GLI4: variants seen among roughly 807,000 people sequenced by gnomAD.
GLI4 encodes GLI family zinc finger 4.
In GLI4, 34 loss-of-function variants were observed where a neutral mutation model predicts 30.9. That is an observed-to-expected ratio of 1.10 (90% CI 0.84 to 1.47). The LOEUF is 1.47. Among genes scored for constraint, GLI4 ranks in the 40% most tolerant of loss-of-function variants. The pLI, the probability that GLI4 is intolerant of heterozygous loss-of-function variation, is 0.00. For missense variants in GLI4, 696 were observed against 538.9 expected, an observed-to-expected ratio of 1.29 and a Z score of -2.89; for synonymous variants, 277 against 236.7, an observed-to-expected ratio of 1.17 and a Z score of -1.56.
At chr8:143,274,273 A>C (rs187573020) in intron 2 of GLI4, among the ~76,000 whole-genome samples, 1 of 152,326 alleles carries the variant, frequency 6.6e-6, no homozygotes, top group African/African-American at 2.4e-5. Context: ...GGGCCAAGGC[A>C]GGAAGGCTTT....
Position 143,276,651 on chromosome 8 carries a change from C to G in GLI4, c.978C>G (p.Ser326=), listed in dbSNP as rs147839830. 6.2e-7 allele frequency: 1 copy of G among 1,612,244 alleles called. No homozygotes were observed. The highest frequency in any genetic ancestry group is 1.1e-5 in the South Asian group (1 of 91,036). The part of the protein sequence containing the change: ...IHTGEKPYEC[S]DCGKAFRGRS... ...CTGGCGAGAAGCCCTACGAGTGCTC[C>G]GACTGCGGCAAAGCCTTCCGCGGCC... is the stretch of plus-strand genomic sequence containing the variant. Residue 326 remains serine (S), a synonymous_variant, in exon 4 of 4, where the codon TCC becomes TCG. Coordinates refer to ENST00000340042, the MANE Select transcript of GLI4 (RefSeq NM_138465.4).
chr8:143,272,239 C>T (rs1185343698), intron 2 of GLI4, among the ~76,000 whole-genome samples: 1 of 152,150 alleles, frequency 6.6e-6, no homozygotes, highest in Non-Finnish European at 1.5e-5. Flanking sequence ...GGCACAGCAT[C>T]TTTCCACATG....
At chr8:143,268,479 G>A (rs992673988) in intron 1 of GLI4, among the ~76,000 whole-genome samples, 1 of 152,094 alleles carries the variant, frequency 6.6e-6, no homozygotes, top group African/African-American at 2.4e-5. Flanking sequence ...GCTGCTGCAG[G>A]GCTGGACTAG....
intron 3 of GLI4, chr8:143,275,534 T>C (rs1206939670): frequency 7.9e-6 from 10 of 1,261,872 alleles, no homozygotes; most frequent in Non-Finnish European, 9.9e-6. Context: ...CCTCTGGAGC[T>C]CTGGCGTCCC....
At chr8:143,268,078 C>T in intron 1 of GLI4, 1 of 985,402 alleles carries the variant, frequency 1.0e-6, no homozygotes, top group Non-Finnish European at 1.2e-6. Context: ...ATCGAGCAGG[C>T]CCTTTTACCA....
chr8:143,267,731 C>T, intron 1 of GLI4: 5 of 985,394 alleles, frequency 5.1e-6, no homozygotes, highest in Non-Finnish European at 6.0e-6. Context: ...CGCAGGGCGC[C>T]TTTCCCAGGC....
Position 143,276,412 on chromosome 8 carries a change from G to A in GLI4, c.739G>A (p.Ala247Thr). The change falls in exon 4 of 4, where the codon GCC becomes ACC. Residue 247 changes from alanine to threonine, a missense_variant. By Grantham distance (58) the Ala-to-Thr change is moderately conservative. Transcript: ENST00000340042. ...KPYECGQCGR[A>T]FSHSSHFTQH... ...CTACGAGTGCGGCCAGTGCGGCCGCGCCTTCAGCCACAGCTCGCACTTCAC... is the reference window on the plus strand; with the variant it reads ...CTACGAGTGCGGCCAGTGCGGCCGCACCTTCAGCCACAGCTCGCACTTCAC... The A allele has an allele frequency of 6.2e-7, 1 of 1,612,260 alleles. No homozygotes were observed.
intron 1 of GLI4, among the ~76,000 whole-genome samples, chr8:143,268,326 G>A (rs1337757317): frequency 6.6e-6 from 1 of 152,128 alleles, no homozygotes; most frequent in Non-Finnish European, 1.5e-5. Flanking sequence ...CTCTTTTCCC[G>A]TTCCTTTCTT....
chr8:143,276,161 C>T lies in GLI4; in HGVS notation c.488C>T (p.Ala163Val). The T allele has an allele frequency of 1.9e-6, 3 of 1,550,126 alleles. No homozygotes were observed. Among genetic ancestry groups the T allele is most frequent in the Admixed American group, 3.9e-5 (2 of 51,060 alleles). ...AGPEGAPERA[A>V]ELGVNFGRSR... ...CCCGAGGGTGCGCCCGAGCGGGCTG[C>T]CGAGCTGGGAGTCAACTTCGGTCGG... The change falls in exon 4 of 4, where the codon GCC (alanine) becomes GTC (valine). Residue 163 changes from alanine to valine, a missense_variant. By Grantham distance (64) the Ala-to-Val change is moderately conservative (BLOSUM62 0). Coordinates refer to ENST00000340042, the MANE Select transcript of GLI4 (RefSeq NM_138465.4).
chr8:143,276,663 A>C lies in GLI4; in HGVS notation c.990A>C (p.Lys330Asn). The change falls in exon 4 of 4, where the codon AAA becomes AAC. Residue 330 changes from lysine (K) to asparagine (N), a missense_variant. Transcript: ENST00000340042. Reference sequence around the variant, plus strand: ...CCTACGAGTGCTCCGACTGCGGCAAAGCCTTCCGCGGCCGCTCGCACTTCT... The same window carrying C: ...CCTACGAGTGCTCCGACTGCGGCAACGCCTTCCGCGGCCGCTCGCACTTCT... ...EKPYECSDCGKAFRGRSHFFR... is the reference protein window; with the variant it reads ...EKPYECSDCGNAFRGRSHFFR... The C allele has an allele frequency of 6.2e-7, 1 of 1,608,144 alleles. No homozygotes were observed. The highest frequency in any genetic ancestry group is 1.1e-5 in the South Asian group (1 of 90,748).
intron 3 of GLI4, 117 bp from the exon 4 acceptor site, chr8:143,275,780 C>T: frequency 8.1e-7 from 1 of 1,240,524 alleles, no homozygotes; most frequent in Non-Finnish European, 1.0e-6. Context: ...GTGCCTGGCC[C>T]CTCCTTGTCC....
At chr8:143,271,648 G>C (rs1815270267) in intron 2 of GLI4, among the ~76,000 whole-genome samples, 1 of 152,192 alleles carries the variant, frequency 6.6e-6, no homozygotes, top group Non-Finnish European at 1.5e-5. Flanking sequence ...GCCCACCCCA[G>C]GCACATGTGG....
intron 1 of GLI4, chr8:143,267,928 C>G: frequency 1.0e-6 from 1 of 985,452 alleles, no homozygotes; most frequent in Non-Finnish European, 1.2e-6. Context: ...GCAGAGGATG[C>G]TTCCCCCGAG....
rs1201629222 is a variant in GLI4 at position 143,267,465 on chromosome 8, G to C, written c.-57G>C. 6 of 985,346 alleles carry C rather than the reference G, an allele frequency of 6.1e-6. No homozygotes were observed. In the East Asian group the frequency reaches 3.4e-4, roughly 56 times the overall value. 61.0% of individuals were successfully genotyped at this position (985,346 alleles called of 1,614,324 possible). On this transcript the variant is annotated 5_prime_UTR_variant, in exon 1 of 4. Coordinates refer to ENST00000340042, the MANE Select transcript of GLI4 (RefSeq NM_138465.4). ...CGGACACTTCCGTCCGGCGCGCGGCGTCCTCCTCCCGCTCGGAAGGTGAGT... is the reference window on the plus strand; with the variant it reads ...CGGACACTTCCGTCCGGCGCGCGGCCTCCTCCTCCCGCTCGGAAGGTGAGT...
chr8:143,270,335 GAC>G (rs1172712822), intron 2 of GLI4, among the ~76,000 whole-genome samples: 2 of 152,238 alleles, frequency 1.3e-5, no homozygotes, highest in Non-Finnish European at 2.9e-5. Flanking sequence ...CTCAGATGGG[GAC>G]AGAGAGTCCG....
At chr8:143,274,959 T>C in intron 3 of GLI4, 157 bp downstream of exon 3, 1 of 1,476,850 alleles carries the variant, frequency 6.8e-7, no homozygotes, top group Non-Finnish European at 9.0e-7. Flanking sequence ...CCGTGGCCCC[T>C]CCCCCACTCT....
intron 1 of GLI4, among the ~76,000 whole-genome samples, chr8:143,268,900 G>A (rs554751252): frequency 8.4e-6 from 1 of 118,762 alleles, no homozygotes; most frequent in Admixed American, 8.9e-5. Context: ...CTGGAGTGCA[G>A]GGGCGCCATC....
intron 2 of GLI4, among the ~76,000 whole-genome samples, chr8:143,270,040 C>T (rs886536912): frequency 3.9e-5 from 6 of 152,234 alleles, no homozygotes; most frequent in African/African-American, 7.2e-5. Flanking sequence ...CATAGTGCCC[C>T]TGGCTCTACT....
At chr8:143,273,484 T>G (rs1378561002) in intron 2 of GLI4, 1 of 152,226 alleles carries the variant, frequency 6.6e-6, no homozygotes, top group East Asian at 1.9e-4. Context: ...GGGGCCGACC[T>G]GAGGGCGGGA....
Sources: gnomAD v4.1 joint callset for allele counts (sites outside exome capture counted in the v4.1 genomes callset) on GRCh38, gnomAD v4.1.1 for gene constraint, MANE v1.5 for transcripts, NCBI Gene and HGNC (gene_info 2026-07-23, HGNC 2026-07-21) for gene names.